MCM6: variants seen among roughly 807,000 people sequenced by gnomAD.
The protein encoded by MCM6 is DNA replication licensing factor MCM6.
In MCM6, 46 loss-of-function variants were observed where a neutral mutation model predicts 94.3. That is an observed-to-expected ratio of 0.49 (90% CI 0.39 to 0.62). MCM6 has a LOEUF of 0.62. MCM6 is among the 20% of genes least tolerant of loss of function. The pLI is 0.00. For missense variants in MCM6, 865 were observed against 1,017.9 expected, an observed-to-expected ratio of 0.85 and a Z score of 2.04; for synonymous variants, 335 against 351.9, an observed-to-expected ratio of 0.95 and a Z score of 0.54.
At chr2:135,862,154 T>A (rs1440048719) in intron 8 of MCM6, among the ~76,000 whole-genome samples, 1 of 151,902 alleles carries the variant, frequency 6.6e-6, no homozygotes, top group Non-Finnish European at 1.5e-5. Context: ...GACAAACTCA[T>A]GAGATTTTTC....
Position 135,848,133 on chromosome 2 carries a change from C to T in MCM6, c.1973G>A (p.Arg658His), listed in dbSNP as rs768011780. Residue 658 changes from arginine to histidine, a missense_variant, in exon 14 of 17, where the codon CGT becomes CAT. Physicochemically the swap from Arg to His is conservative, Grantham distance 29 (BLOSUM62 0). Around this residue, in one of 3 missense-constraint regions of MCM6, gnomAD observed 308 missense variants for 324.5 expected, o/e 0.95. Coordinates refer to ENST00000264156, the MANE Select transcript of MCM6 (RefSeq NM_005915.6). ...TAGATTGACATCAGGTGTTTCCACA[C>T]GGATGATTGATTTATTCAGTAACCG... The part of the protein sequence containing the change: ...AFRLLNKSII[R>H]VETPDVNLDQ... The T allele has an allele frequency of 2.2e-5, 36 of 1,611,292 alleles. No individual in the cohort carries two copies. In the East Asian group the frequency reaches 2.7e-4, roughly 12 times the overall value.
At chr2:135,846,188 G>T in intron 15 of MCM6, 49 bp downstream of exon 15, 1 of 1,546,036 alleles carries the variant, frequency 6.5e-7, no homozygotes, top group Non-Finnish European at 8.6e-7. Context: ...TATGTGAACA[G>T]AGCTTACAGA....
At chr2:135,861,869 A>C (rs1330789332) in intron 8 of MCM6, among the ~76,000 whole-genome samples, 1 of 152,100 alleles carries the variant, frequency 6.6e-6, no homozygotes, top group Non-Finnish European at 1.5e-5. Context: ...GCCCGCCTTG[A>C]TTTCCCAAAG....
intron 1 of MCM6, among the ~76,000 whole-genome samples, chr2:135,875,654 A>AGGAAAGGAAGGCCAGAG (rs1405437982): frequency 6.6e-6 from 1 of 152,152 alleles, no homozygotes; most frequent in African/African-American, 2.4e-5. Context: ...GAGTAGAGAA[A>AGGAAAGGAAGGCCAGAG]GGAAAGGAAG....
rs754500820 is a variant in MCM6, at chr2:135,868,822, G to C, written c.404C>G (p.Thr135Ser). The change falls in exon 4 of 17, where the codon ACT becomes AGT. Residue 135 changes from threonine (T) to serine (S), a missense_variant. Coordinates refer to ENST00000264156, the MANE Select transcript of MCM6 (RefSeq NM_005915.6). ...CCGCACCACCTGCCCACTGATGCGA[G>C]TGAGCAAACCAATTCTGGATGAGGT... ...ELTSSRIGLL[T>S]RISGQVVRTH... The C allele has an allele frequency of 6.2e-7, 1 of 1,614,156 alleles. No individual in the cohort carries two copies. Among genetic ancestry groups the C allele is most frequent in the South Asian group, 1.1e-5 (1 of 91,090 alleles).
intron 13 of MCM6, among the ~76,000 whole-genome samples, chr2:135,850,025 A>G (rs1196630990): frequency 6.6e-6 from 1 of 152,238 alleles, no homozygotes; most frequent in African/African-American, 2.4e-5. Context: ...TAAAAATAGA[A>G]CAAAATAAAA....
chr2:135,856,259 A>T (rs189925408), intron 11 of MCM6, among the ~76,000 whole-genome samples: 1 of 152,166 alleles, frequency 6.6e-6, no homozygotes, highest in Non-Finnish European at 1.5e-5. Context: ...CCTGACCAAC[A>T]TGGTGAGACC....
chr2:135,852,987 A>C (rs1211707963), intron 11 of MCM6, 72 bp from the exon 12 acceptor site: 1 of 1,380,476 alleles, frequency 7.2e-7, no homozygotes, highest in Non-Finnish European at 9.7e-7. Context: ...GGCAATAAGA[A>C]ATGATTTATC....
intron 1 of MCM6, among the ~76,000 whole-genome samples, chr2:135,873,649 G>A (rs537610116): frequency 1.5e-4 from 19 of 124,494 alleles, no homozygotes; most frequent in African/African-American, 3.2e-4. Flanking sequence ...AAACAACTAC[G>A]TGCAAAGCCC....
chr2:135,860,350 G>A (rs1482963139), intron 8 of MCM6, among the ~76,000 whole-genome samples: 2 of 150,872 alleles, frequency 1.3e-5, no homozygotes, highest in African/African-American at 4.9e-5. Context: ...TAGCCAGGAC[G>A]GTCTCGATCT....
rs761434172 is a variant in MCM6 at position 135,848,136 on chromosome 2, A to G, written c.1970T>C (p.Ile657Thr). The G allele has an allele frequency of 6.2e-7, 1 of 1,611,552 alleles. No individual in the cohort carries two copies. Among genetic ancestry groups the G allele is most frequent in the South Asian group, 1.1e-5 (1 of 91,016 alleles). ...ATTGACATCAGGTGTTTCCACACGG[A>G]TGATTGATTTATTCAGTAACCGGAA... ...EAFRLLNKSI[I>T]RVETPDVNLD... is the part of the protein sequence containing the mutation. The change falls in exon 14 of 17, where the codon ATC becomes ACC. Residue 657 changes from isoleucine (I) to threonine (T), a missense_variant. Transcript: ENST00000264156.
rs4988250 is a variant in MCM6 at position 135,848,890 on chromosome 2, CA to C, written c.1918-703del. Among the ~76,000 whole-genome samples the C allele has an allele frequency of 2.3e-4, 35 of 151,058 alleles. No individual in the cohort carries two copies. The South Asian group carries it at 7.3e-3, about 32-fold the overall frequency. On this transcript the variant is annotated intron_variant, in intron 13 of 16. Coordinates refer to ENST00000264156, the MANE Select transcript of MCM6 (RefSeq NM_005915.6). The stretch of plus-strand genomic sequence containing the variant: ...ACAGAGTGAGACTCCATCTCAAAAA[CA>C]AAACAAAACAAAAAAACAACCAGCA...
In MCM6 at chr2:135,870,245, TCTTA is replaced by T; in HGVS notation, c.365+2_365+5del. On this transcript the variant is annotated splice_donor_variant and splice_donor_5th_base_variant and intron_variant, in intron 3 of 16. Transcript: ENST00000264156. LOFTEE classifies it high-confidence loss of function. ...ATTCCTTTTTTTCCAGAGAAGGGTT[TCTTA>T]CTTGTGTCTGGTAGGCAGGTCTTGG... The T allele has an allele frequency of 6.2e-7, 1 of 1,602,120 alleles. No individual in the cohort carries two copies. Among genetic ancestry groups the T allele is most frequent in the Non-Finnish European group, 8.6e-7 (1 of 1,169,022 alleles).
intron 1 of MCM6, among the ~76,000 whole-genome samples, chr2:135,874,035 TG>T (rs1265477611): frequency 1.3e-5 from 2 of 152,190 alleles, no homozygotes; most frequent in African/African-American, 4.8e-5. Context: ...AGAGGAGTGA[TG>T]AAGAATTTGA....
intron 1 of MCM6, among the ~76,000 whole-genome samples, 182 bp downstream of exon 1, chr2:135,876,077 A>C (rs1170092607): frequency 2.6e-5 from 4 of 152,206 alleles, no homozygotes; most frequent in Non-Finnish European, 5.9e-5. Context: ...AGAAAAACCC[A>C]GCCTGTCCCA....
intron 7 of MCM6, among the ~76,000 whole-genome samples, chr2:135,863,321 G>A (rs974388417): frequency 6.6e-6 from 1 of 152,180 alleles, no homozygotes; most frequent in African/African-American, 2.4e-5. Context: ...AAAGAACACT[G>A]TGCTATTAAA....
chr2:135,847,721 G>A lies in MCM6; in HGVS notation c.2053+332C>T, dbSNP rs192614498. 9.2e-5 allele frequency among the ~76,000 whole-genome samples: 14 copies of A among 152,180 alleles called. No homozygotes were observed. In the East Asian group the frequency reaches 2.7e-3, roughly 29 times the overall value. On this transcript the variant is annotated intron_variant, in intron 14 of 16. Transcript: ENST00000264156. ...TGGGGCTACAGGCAGCCGCCACCAC[G>A]CCTGGCTAATTTTTGCATTTTTAGT... is the stretch of plus-strand genomic sequence containing the variant.
chr2:135,866,766 C>A, intron 4 of MCM6, 38 bp from the exon 5 acceptor site: 1 of 1,514,942 alleles, frequency 6.6e-7, no homozygotes, highest in Non-Finnish European at 8.9e-7. Flanking sequence ...GAATGAGAAG[C>A]AATACCTTTC....
intron 11 of MCM6, among the ~76,000 whole-genome samples, chr2:135,856,304 A>G (rs1017268421): frequency 1.3e-5 from 2 of 152,130 alleles, no homozygotes; most frequent in Admixed American, 1.3e-4. Context: ...TTAGCCACGC[A>G]TGGTGTTACA....
Sources: gnomAD v4.1 joint callset for allele counts (sites outside exome capture counted in the v4.1 genomes callset) on GRCh38, gnomAD v4.1.1 for gene constraint, gnomAD v4.1.1 regional missense constraint, MANE v1.5 for transcripts, NCBI Gene and HGNC (gene_info 2026-07-23, HGNC 2026-07-21) for gene names.